The following TMCO4 variants were observed in gnomAD, a reference collection of about 807,000 sequenced individuals.
TMCO4 encodes transmembrane and coiled-coil domains 4.
In TMCO4, 58 loss-of-function variants were observed where a neutral mutation model predicts 64.7. The observed-to-expected ratio is 0.90, with a 90% confidence interval of 0.73 to 1.12. The LOEUF (loss-of-function observed/expected upper bound fraction) is 1.12, where lower values mean the gene tolerates loss of function less well. TMCO4 is among the 50% of genes most tolerant of loss of function. The probability of loss-of-function intolerance (pLI) is 0.00; values close to 1 mark genes in which losing one functional copy is unlikely to be tolerated. For missense variants in TMCO4, 780 were observed against 825.9 expected, an observed-to-expected ratio of 0.94 and a Z score of 0.68; for synonymous variants, 325 against 346.1, an observed-to-expected ratio of 0.94 and a Z score of 0.68.
intron 4 of TMCO4, among the ~76,000 whole-genome samples, chr1:19,780,104 CAGGCGTTA>C (rs1234807566): frequency 1.3e-5 from 2 of 152,156 alleles, no homozygotes; most frequent in Non-Finnish European, 2.9e-5. Context: ...CTCAGATCAT[CAGGCGTTA>C]GTTAGATTCT....
In TMCO4 at chr1:19,768,866, G is replaced by A. The variant is rs575850351; in HGVS notation, c.382+1676C>T. On this transcript the variant is annotated intron_variant, in intron 6 of 15. Transcript: ENST00000294543. ...TTCTCACAAACCTCCCAGCAGTGCC[G>A]ATGCTGCTGGGTCCACATACCACAC... is the stretch of plus-strand genomic sequence containing the variant. 7.2e-5 allele frequency among the ~76,000 whole-genome samples: 11 copies of A among 152,274 alleles called. No homozygotes were observed. The South Asian group carries it at 1.2e-3, about 17-fold the overall frequency.
rs1208765617 is a variant in TMCO4 at position 19,780,593 on chromosome 1, C to T, written c.166G>A (p.Glu56Lys). ...AGAAGAACTCACCTGTGTTCGGGTT[C>T]AGGAAATAACTGGGACAGGGAGATG... The part of the protein sequence containing the change: ...CGISLSQLFP[E>K]PEHSSFCTEF... Residue 56 changes from glutamate to lysine, a missense_variant, in exon 4 of 16, where the codon GAA (glutamate) becomes AAA (lysine). Coordinates refer to ENST00000294543, the MANE Select transcript of TMCO4 (RefSeq NM_181719.7). 1 of 1,602,856 alleles carries T rather than the reference C, an allele frequency of 6.2e-7. No individual in the cohort carries two copies. The highest frequency in any genetic ancestry group is 8.5e-7 in the Non-Finnish European group (1 of 1,175,376).
rs542950814 is a variant in TMCO4, at chr1:19,743,250, G to A, written c.877+2282C>T. Among the ~76,000 whole-genome samples the A allele has an allele frequency of 1.3e-5, 2 of 152,130 alleles. No individual in the cohort carries two copies. Among genetic ancestry groups the A allele is most frequent in the South Asian group, 2.1e-4 (1 of 4,806 alleles). On this transcript the variant is annotated intron_variant, in intron 10 of 15. Transcript: ENST00000294543. The surrounding 1 kb of genome is among the most constrained non-coding windows in gnomAD (Gnocchi z 4.1). ...TTCCTCATCTGGAAAAGGGGAGTGC[G>A]AATGACAGCCACTTCCCTGGACTGA...
At position 19,693,164 on chromosome 1, in the gene TMCO4, CAAAAAAAAAAAAAAAAAAAA is replaced by C. The variant is rs57031243; in HGVS notation, c.1500+1250_1500+1269del. On this transcript the variant is annotated intron_variant, in intron 15 of 15. Coordinates refer to ENST00000294543, the MANE Select transcript of TMCO4 (RefSeq NM_181719.7). ...CTCCAGCCTGAGCGAGACCCCATCTCAAAAAAAAAAAAAAAAAAAAAAAAAAAAAAAAAAAAGGCCAGGCA... is the reference window on the plus strand; with the variant it reads ...CTCCAGCCTGAGCGAGACCCCATCTCAAAAAAAAAAAAAAAAGGCCAGGCA... 3.5e-3 allele frequency among the ~76,000 whole-genome samples: 69 copies of C among 19,980 alleles called. 1 individual carries two copies. Among genetic ancestry groups the C allele is most frequent in the Admixed American group, 0.017 (20 of 1,204 alleles). The allele number at this position is 19,980 out of a possible 152,430, so 13.1% of individuals were successfully genotyped here.
chr1:19,761,997 T>C (rs2042527023), intron 6 of TMCO4, among the ~76,000 whole-genome samples: 1 of 152,186 alleles, frequency 6.6e-6, no homozygotes, highest in Non-Finnish European at 1.5e-5. Flanking sequence ...TCCTAGGAGG[T>C]TGTCACTATG....
intron 6 of TMCO4, among the ~76,000 whole-genome samples, chr1:19,769,727 G>A (rs1266437): frequency 1.5e-3 from 222 of 152,066 alleles, no homozygotes; most frequent in Non-Finnish European, 2.4e-3. Flanking sequence ...GAAGTTGGAC[G>A]GGAGCTGTGG....
At position 19,746,483 on chromosome 1, in the gene TMCO4, A is replaced by G. The variant is rs1401039094; in HGVS notation, c.730T>C (p.Phe244Leu). Residue 244 changes from phenylalanine to leucine, a missense_variant, in exon 9 of 16, where the codon TTT (phenylalanine) becomes CTT (leucine). By Grantham distance (22) the Phe-to-Leu change is conservative. Transcript: ENST00000294543. ...GTCAGGCCAGCTCCAGCTGCACCAAACAGCGAGGTCATGATGGCTATGCCG... is the reference window on the plus strand; with the variant it reads ...GTCAGGCCAGCTCCAGCTGCACCAAGCAGCGAGGTCATGATGGCTATGCCG... ...AAGIAIMTSL[F>L]GAAGAGLTGY... is the part of the protein sequence containing the mutation. 4.3e-6 allele frequency: 7 copies of G among 1,613,342 alleles called. No homozygotes were observed. In the South Asian group the frequency reaches 7.7e-5, roughly 18 times the overall value.
chr1:19,715,205 T>C (rs2095350140), intron 13 of TMCO4, among the ~76,000 whole-genome samples: 1 of 152,140 alleles, frequency 6.6e-6, no homozygotes, highest in Non-Finnish European at 1.5e-5. Flanking sequence ...CTGTACTCCA[T>C]CCTGGGTGAC....
intron 3 of TMCO4, among the ~76,000 whole-genome samples, chr1:19,784,833 T>C (rs1422145410): frequency 8.6e-6 from 1 of 115,622 alleles, no homozygotes; most frequent in Non-Finnish European, 1.7e-5. Context: ...CATTAAATGA[T>C]AGCTGATGCA....
intron 2 of TMCO4, among the ~76,000 whole-genome samples, chr1:19,794,961 G>A (rs2044231930): frequency 6.6e-6 from 1 of 152,186 alleles, no homozygotes; most frequent in Non-Finnish European, 1.5e-5. Flanking sequence ...ACAGAAAGTA[G>A]AATGAATGGT....
At chr1:19,740,657 T>C (rs1422958516) in intron 11 of TMCO4, 120 bp downstream of exon 11, 7 of 1,168,046 alleles carry the variant, frequency 6.0e-6, no homozygotes, top group Non-Finnish European at 8.5e-6. Context: ...CCTCTCTGTG[T>C]TCCTAGGGTC....
chr1:19,688,668 C>T (rs1308959473), intron 15 of TMCO4, among the ~76,000 whole-genome samples: 2 of 152,198 alleles, frequency 1.3e-5, no homozygotes, highest in Admixed American at 6.5e-5. Context: ...CAGGTTCATC[C>T]GGCTCTACCA....
In TMCO4 at chr1:19,780,737, A is replaced by G. The variant is rs1289505025; in HGVS notation, c.22T>C (p.Cys8Arg). 3 of 1,599,570 alleles carry G rather than the reference A, an allele frequency of 1.9e-6. No homozygotes were observed. In the African/African-American group the frequency reaches 4.1e-5, roughly 22 times the overall value. ...AGAGGCTGCTGAGGCAGCCTCTGGCATGGCCTGTTCCACATGGCCATTCCC... is the reference window on the plus strand; with the variant it reads ...AGAGGCTGCTGAGGCAGCCTCTGGCGTGGCCTGTTCCACATGGCCATTCCC... MAMWNRP[C>R]QRLPQQPLVA... Residue 8 changes from cysteine to arginine, a missense_variant, in exon 4 of 16, where the codon TGC (cysteine) becomes CGC (arginine). Coordinates refer to ENST00000294543, the MANE Select transcript of TMCO4 (RefSeq NM_181719.7).
intron 3 of TMCO4, among the ~76,000 whole-genome samples, chr1:19,784,588 A>C (rs1374683594): frequency 8.5e-5 from 13 of 152,180 alleles, no homozygotes; most frequent in African/African-American, 2.9e-4. Flanking sequence ...TCATTCATTC[A>C]ACACAATTTC....
intron 10 of TMCO4, 178 bp downstream of exon 10, chr1:19,745,354 G>A (rs1430563019): frequency 5.2e-6 from 5 of 956,868 alleles, no homozygotes; most frequent in African/African-American, 1.7e-5. Context: ...ATGGCGAGAT[G>A]ATGGGCAGGT....
chr1:19,792,178 G>C (rs2044077169), intron 2 of TMCO4, among the ~76,000 whole-genome samples: 1 of 152,052 alleles, frequency 6.6e-6, no homozygotes, highest in Non-Finnish European at 1.5e-5. Flanking sequence ...CATGAAAATG[G>C]ACTAATACAC....
intron 2 of TMCO4, among the ~76,000 whole-genome samples, 185 bp from the exon 3 acceptor site, chr1:19,787,302 G>A (rs2043796169): frequency 6.6e-6 from 1 of 152,230 alleles, no homozygotes; most frequent in Non-Finnish European, 1.5e-5. Context: ...TAGGGTGGTA[G>A]GGCAGGCAGC....
chr1:19,740,745 GC>G (rs756909857), intron 11 of TMCO4, 31 bp downstream of exon 11: 2 of 1,588,738 alleles, frequency 1.3e-6, no homozygotes, highest in Non-Finnish European at 1.7e-6. Flanking sequence ...CAGTGGGCAT[GC>G]TGTTGTTGGG....
chr1:19,697,369 C>T (rs141085887), intron 14 of TMCO4, among the ~76,000 whole-genome samples: 63 of 152,168 alleles, frequency 4.1e-4, no homozygotes, highest in African/African-American at 1.5e-3. Flanking sequence ...GCCATTCTCC[C>T]ACCTCAGCCT....
Sources: allele counts gnomAD v4.1 joint callset (sites outside exome capture counted in the v4.1 genomes callset), GRCh38; gene constraint gnomAD v4.1.1; non-coding constraint Gnocchi (gnomAD v3.1); transcripts MANE v1.5; gene names NCBI Gene and HGNC (gene_info 2026-07-23, HGNC 2026-07-21).